Variants in PRKG1 observed in about 807,000 individuals in gnomAD.
The protein encoded by PRKG1 is cGMP-dependent protein kinase 1.
PRKG1 carries 35 observed loss-of-function variants against 88.1 expected under a neutral mutation model. The observed-to-expected ratio is 0.40, with a 90% CI of 0.30 to 0.53. The LOEUF is 0.53. Ranked by LOEUF, PRKG1 falls within the 20% of genes least tolerant of loss-of-function variation. The pLI, the probability that PRKG1 is intolerant of heterozygous loss-of-function variation, is 0.59. For synonymous variants in PRKG1, 303 were observed against 292.5 expected, an observed-to-expected ratio of 1.04 and a Z score of -0.37; for missense variants, 540 against 839.8, an observed-to-expected ratio of 0.64 and a Z score of 4.41.
intron 2 of PRKG1, among the ~76,000 whole-genome samples, chr10:51,263,343 TTTTG>T (rs561656146): frequency 6.6e-6 from 1 of 152,320 alleles, no homozygotes; most frequent in Non-Finnish European, 1.5e-5. Flanking sequence ...CCTTTCCAGT[TTTTG>T]TTTGTTTGTT....
intron 2 of PRKG1, among the ~76,000 whole-genome samples, chr10:51,399,360 C>G (rs944286016): frequency 4.6e-5 from 7 of 152,078 alleles, no homozygotes; most frequent in African/African-American, 1.4e-4. Context: ...ATACAGCATG[C>G]TGCCTGTCAT....
At chr10:50,999,557 A>G (rs1842866726) in intron 1 of PRKG1, among the ~76,000 whole-genome samples, 1 of 152,130 alleles carries the variant, frequency 6.6e-6, no homozygotes, top group Non-Finnish European at 1.5e-5. Flanking sequence ...TTATTTGAGT[A>G]CTCTGACCTC....
intron 2 of PRKG1, among the ~76,000 whole-genome samples, chr10:51,239,838 T>C (rs545686252): frequency 2.0e-5 from 3 of 152,314 alleles, no homozygotes; most frequent in African/African-American, 7.2e-5. Context: ...TGTAGGAGAC[T>C]CAGCTCTCCA....
At chr10:51,249,465 G>A (rs1362803811) in intron 2 of PRKG1, among the ~76,000 whole-genome samples, 1 of 151,794 alleles carries the variant, frequency 6.6e-6, no homozygotes, top group East Asian at 1.9e-4. Context: ...ATAAATGGCT[G>A]TATATGTTGT....
chr10:52,171,125 GTTT>G (rs768183110), intron 9 of PRKG1, among the ~76,000 whole-genome samples: 10 of 79,972 alleles, frequency 1.3e-4, no homozygotes, highest in East Asian at 4.6e-4. Flanking sequence ...TTATTGGTGT[GTTT>G]TTTTTTTTTT....
At chr10:51,133,169 T>C (rs1416828874) in intron 1 of PRKG1, among the ~76,000 whole-genome samples, 1 of 152,148 alleles carries the variant, frequency 6.6e-6, no homozygotes, top group African/African-American at 2.4e-5. Context: ...TCTTCACTTA[T>C]CTGAAAGGGA....
chr10:52,161,260 G>T (rs1164042270), intron 8 of PRKG1, among the ~76,000 whole-genome samples: 1 of 151,990 alleles, frequency 6.6e-6, no homozygotes, highest in Non-Finnish European at 1.5e-5. Context: ...GAATAGATTG[G>T]ATTTAAGCAG....
intron 9 of PRKG1, among the ~76,000 whole-genome samples, chr10:52,241,115 G>A (rs532529788): frequency 3.9e-5 from 6 of 152,220 alleles, no homozygotes; most frequent in East Asian, 3.9e-4. Context: ...CATCCAAGAC[G>A]TATTTTCCCC....
At chr10:52,180,763 A>G (rs1226306882) in intron 9 of PRKG1, among the ~76,000 whole-genome samples, 2 of 152,110 alleles carry the variant, frequency 1.3e-5, no homozygotes, top group African/African-American at 4.8e-5. Context: ...GAGCATGTAC[A>G]TGCGCACGGT....
At chr10:51,182,129 A>G (rs752701546) in intron 2 of PRKG1, among the ~76,000 whole-genome samples, 1 of 152,208 alleles carries the variant, frequency 6.6e-6, no homozygotes, top group Non-Finnish European at 1.5e-5. Context: ...CCTCTGGTAT[A>G]TAACACCAGT....
chr10:51,254,500 T>A (rs1335707510), intron 2 of PRKG1, among the ~76,000 whole-genome samples: 2 of 151,974 alleles, frequency 1.3e-5, no homozygotes, highest in Non-Finnish European at 2.9e-5. Flanking sequence ...GGGAAACAAG[T>A]CAATCTAAGG....
intron 4 of PRKG1, among the ~76,000 whole-genome samples, chr10:51,825,966 A>C (rs1839871894): frequency 6.6e-6 from 1 of 152,202 alleles, no homozygotes; most frequent in Non-Finnish European, 1.5e-5. Flanking sequence ...AGAAAGGAGA[A>C]GCAGGTGGGT....
At chr10:52,035,674 T>C (rs562561706) in intron 5 of PRKG1, among the ~76,000 whole-genome samples, 3 of 152,014 alleles carry the variant, frequency 2.0e-5, no homozygotes, top group East Asian at 1.9e-4. Flanking sequence ...ACAACGGTAA[T>C]TGTGGGAGAC....
chr10:51,827,406 A>G (rs1839904687), intron 4 of PRKG1, among the ~76,000 whole-genome samples: 1 of 152,160 alleles, frequency 6.6e-6, no homozygotes, highest in Non-Finnish European at 1.5e-5. Flanking sequence ...GGTTATGCAC[A>G]AGGACTTTTG....
At chr10:51,674,132 A>G (rs1197778303) in intron 3 of PRKG1, among the ~76,000 whole-genome samples, 2 of 152,224 alleles carry the variant, frequency 1.3e-5, no homozygotes, top group African/African-American at 4.8e-5. Context: ...GCTAGAATTT[A>G]AATGGCCTAT....
chr10:51,112,974 A>G (rs12221226), intron 1 of PRKG1, among the ~76,000 whole-genome samples: 33,493 of 152,080 alleles, frequency 0.22, 3,831 homozygotes, highest in Admixed American at 0.27. Flanking sequence ...CAAAAGCTCT[A>G]TGGGCTTCAA....
intron 7 of PRKG1, among the ~76,000 whole-genome samples, chr10:52,078,840 T>A (rs1367477406): frequency 6.6e-6 from 1 of 152,204 alleles, no homozygotes; most frequent in Non-Finnish European, 1.5e-5. Flanking sequence ...CAAGACTATA[T>A]GTGTTTATGA....
chr10:52,094,565 A>G (rs1009675147), intron 7 of PRKG1, among the ~76,000 whole-genome samples: 2 of 152,220 alleles, frequency 1.3e-5, no homozygotes, highest in African/African-American at 4.8e-5. Flanking sequence ...TCAAGCTGTC[A>G]CAACAAAATA....
At position 51,992,195 on chromosome 10, in the gene PRKG1, T is replaced by C. The variant is rs144245467; in HGVS notation, c.763-62289T>C. ...ACTGGTTTCCAACCTGAGATCCTCA[T>C]GGCAATTATATGCCCAATTATATGT... is the stretch of plus-strand genomic sequence containing the variant. On this transcript the variant is annotated intron_variant, in intron 5 of 17. Transcript: ENST00000373980. Among the ~76,000 whole-genome samples the C allele has an allele frequency of 6.6e-3, 1,010 of 152,266 alleles. 10 individuals are homozygous for C. Among genetic ancestry groups the C allele is most frequent in the African/African-American group, 0.024 (979 of 41,564 alleles).
Sources: gnomAD v4.1 joint callset for allele counts (sites outside exome capture counted in the v4.1 genomes callset) on GRCh38, gnomAD v4.1.1 for gene constraint, MANE v1.5 for transcripts, NCBI Gene and HGNC (gene_info 2026-07-23, HGNC 2026-07-21) for gene names.